Variants in EML5 observed in about 807,000 individuals in gnomAD.
EML5 encodes EMAP like 5.
In EML5, 120 loss-of-function variants were observed where a neutral mutation model predicts 250.0. The observed-to-expected ratio is 0.48, with a 90% CI of 0.41 to 0.56. The LOEUF (loss-of-function observed/expected upper bound fraction) is 0.56. Among genes scored for constraint, EML5 ranks in the 20% least tolerant of loss-of-function variants. The pLI is 0.00. For missense variants in EML5, 2,006 were observed against 2,437.6 expected (o/e 0.82, Z 3.73); for synonymous variants, 771 against 806.5 (o/e 0.96, Z 0.75).
chr14:88,642,839 A>C, intron 31 of EML5, 54 bp downstream of exon 31: 1 of 1,540,304 alleles, frequency 6.5e-7, no homozygotes, highest in East Asian at 2.4e-5. Context: ...CTGCTAGATC[A>C]AAATTTCTAA....
intron 26 of EML5, 66 bp downstream of exon 26, chr14:88,658,121 C>A: frequency 6.6e-7 from 1 of 1,511,500 alleles, no homozygotes; most frequent in Non-Finnish European, 9.2e-7. Flanking sequence ...CTTTAACTTC[C>A]ACAGCTTAAA....
rs1295293591 is a variant in EML5 at position 88,618,812 on chromosome 14, T to A, written c.5376A>T (p.Arg1792Ser). Reference sequence around the variant, plus strand: ...CCAGATACCGGGAATCCGGACTAAATCTGAATCAAAACAAAACGTAAAAAG... The same window carrying A: ...CCAGATACCGGGAATCCGGACTAAAACTGAATCAAAACAAAACGTAAAAAG... ...RDRRCAIHDIRFSPDSRYLAV... is the reference protein window; with the variant it reads ...RDRRCAIHDISFSPDSRYLAV... The change falls in exon 40 of 44, where the codon AGA becomes AGT. Residue 1792 changes from arginine to serine, a missense_variant and splice_region_variant. By Grantham distance (110) the Arg-to-Ser change is moderately radical. Transcript: ENST00000554922. The A allele has an allele frequency of 4.4e-6, 7 of 1,574,516 alleles. No individual in the cohort carries two copies. The highest frequency in any genetic ancestry group is 5.2e-6 in the Non-Finnish European group (6 of 1,159,186).
rs557041031 is a variant in EML5, at chr14:88,764,854, T to C, written c.198-10183A>G. Among the ~76,000 whole-genome samples the C allele has an allele frequency of 2.0e-5, 3 of 152,312 alleles. No individual in the cohort carries two copies. In the South Asian group the frequency reaches 6.2e-4, roughly 32 times the overall value. ...GTTACTGATTTTTATTTTGATTCCA[T>C]TATGGTCAGAGAACATACTCTATAT... On this transcript the variant is annotated intron_variant, in intron 1 of 43. Transcript: ENST00000554922.
At chr14:88,631,408 T>C (rs543763277) in intron 33 of EML5, among the ~76,000 whole-genome samples, 4 of 152,074 alleles carry the variant, frequency 2.6e-5, no homozygotes, top group Admixed American at 6.5e-5. Context: ...AGAGATGGGG[T>C]TTGCCATGTT....
At chr14:88,683,743 T>C (rs2092765327) in intron 20 of EML5, among the ~76,000 whole-genome samples, 1 of 152,058 alleles carries the variant, frequency 6.6e-6, no homozygotes, top group African/African-American at 2.4e-5. Context: ...TTAATAGACA[T>C]AGAAAAAGCA....
chr14:88,733,071 G>A (rs1308732779), intron 7 of EML5, among the ~76,000 whole-genome samples: 2 of 152,152 alleles, frequency 1.3e-5, no homozygotes, highest in African/African-American at 2.4e-5. Flanking sequence ...AATGCTATTT[G>A]AATAACAATA....
At chr14:88,617,147 TTTC>T (rs1414263215) in intron 41 of EML5, 6 of 251,328 alleles carry the variant, frequency 2.4e-5, no homozygotes, top group East Asian at 7.3e-5. Context: ...AGAACTATTT[TTTC>T]TTTTTTTTTT....
intron 27 of EML5, among the ~76,000 whole-genome samples, chr14:88,652,442 G>T (rs930758236): frequency 6.6e-6 from 1 of 151,936 alleles, no homozygotes; most frequent in African/African-American, 2.4e-5. Context: ...CCCTTTCCCC[G>T]AATATAAAAT....
intron 33 of EML5, among the ~76,000 whole-genome samples, chr14:88,632,323 A>T (rs988291547): frequency 2.0e-5 from 3 of 151,874 alleles, no homozygotes; most frequent in African/African-American, 7.3e-5. Flanking sequence ...TAATTTTCCA[A>T]TTTTCTCTCT....
At chr14:88,627,129 G>C in intron 34 of EML5, 83 bp from the exon 35 acceptor site, 1 of 1,426,506 alleles carries the variant, frequency 7.0e-7, no homozygotes, top group Non-Finnish European at 9.8e-7. Flanking sequence ...AAAATACATA[G>C]TTCAAAAAAC....
intron 7 of EML5, among the ~76,000 whole-genome samples, chr14:88,729,929 C>T (rs1252396102): frequency 6.6e-6 from 1 of 150,996 alleles, no homozygotes; most frequent in Non-Finnish European, 1.5e-5. Context: ...CTTTGTATCA[C>T]ACTACAGAGG....
intron 21 of EML5, among the ~76,000 whole-genome samples, chr14:88,667,003 A>G (rs773724051): frequency 6.6e-6 from 1 of 151,956 alleles, no homozygotes; most frequent in African/African-American, 2.4e-5. Context: ...ATATATTTCA[A>G]AGATAGAGCT....
At position 88,730,949 on chromosome 14, in the gene EML5, T is replaced by A. The variant is rs76520341; in HGVS notation, c.1050-4271A>T. On this transcript the variant is annotated intron_variant, in intron 7 of 43. Transcript: ENST00000554922. ...TACTTAGTGAAGAAAAAAATAAGACTCTCTCGTTTTTTTTAACCAATAGCA... is the reference window on the plus strand; with the variant it reads ...TACTTAGTGAAGAAAAAAATAAGACACTCTCGTTTTTTTTAACCAATAGCA... 2.5e-3 allele frequency among the ~76,000 whole-genome samples: 381 copies of A among 152,212 alleles called. 16 individuals carry two copies. In the South Asian group the frequency reaches 0.072, roughly 29 times the overall value.
intron 2 of EML5, among the ~76,000 whole-genome samples, chr14:88,754,114 T>C (rs1249465419): frequency 1.3e-5 from 2 of 152,266 alleles, no homozygotes. Flanking sequence ...CAGCAGAGCG[T>C]GACCCTGTCT....
Position 88,646,962 on chromosome 14 carries a change from A to C in EML5, c.4020-7T>G, listed in dbSNP as rs750350079. ...AGAGGATTACCTGGAACCTCTTTTC[A>C]GCAGCAGATAAAGAGGGAAAAAGAT... On this transcript the variant is annotated splice_region_variant and splice_polypyrimidine_tract_variant and intron_variant, in intron 28 of 43. Coordinates refer to ENST00000554922, the MANE Select transcript of EML5 (RefSeq NM_183387.3). The C allele has an allele frequency of 4.4e-6, 7 of 1,592,922 alleles. No individual in the cohort carries two copies. Among genetic ancestry groups the C allele is most frequent in the Middle Eastern group, 3.3e-4 (2 of 6,026 alleles).
intron 13 of EML5, among the ~76,000 whole-genome samples, chr14:88,703,411 G>T (rs1226781331): frequency 6.6e-6 from 1 of 151,968 alleles, no homozygotes; most frequent in Non-Finnish European, 1.5e-5. Context: ...AGAATACAAC[G>T]TATATTCCAA....
intron 1 of EML5, among the ~76,000 whole-genome samples, chr14:88,770,573 T>G (rs2094380916): frequency 1.3e-5 from 2 of 152,100 alleles, no homozygotes; most frequent in Non-Finnish European, 1.5e-5. Context: ...GGATTAATAT[T>G]GGATAGGAGC....
intron 1 of EML5, among the ~76,000 whole-genome samples, chr14:88,762,267 T>C (rs995018043): frequency 6.6e-6 from 1 of 152,066 alleles, no homozygotes; most frequent in Admixed American, 6.5e-5. Flanking sequence ...TCCCAGCACT[T>C]TGGGAGGCCG....
rs970500684 is a variant in EML5 at position 88,706,000 on chromosome 14, T to C, written c.1825+259A>G. 13 of 527,802 alleles carry C rather than the reference T, an allele frequency of 2.5e-5. No homozygotes were observed. The Admixed American group carries it at 3.4e-4, about 14-fold the overall frequency. The allele number at this position is 527,802 out of a possible 1,614,324, so 32.7% of individuals were successfully genotyped here. Reference sequence around the variant, plus strand: ...ATCTCTCAGAGGATATATTAAATGTTTGTTTTGCTATTAATATAACTGTTT... The same window carrying C: ...ATCTCTCAGAGGATATATTAAATGTCTGTTTTGCTATTAATATAACTGTTT... On this transcript the variant is annotated intron_variant, in intron 11 of 43. Transcript: ENST00000554922.
Sources: allele counts gnomAD v4.1 joint callset (sites outside exome capture counted in the v4.1 genomes callset), GRCh38; gene constraint gnomAD v4.1.1; transcripts MANE v1.5; gene names NCBI Gene and HGNC (gene_info 2026-07-23, HGNC 2026-07-21).